Variants in DVL1 observed in about 807,000 individuals in gnomAD.
DVL1 encodes segment polarity protein dishevelled homolog DVL-1.
DVL1 carries 49 observed loss-of-function variants against 65.0 expected under a neutral mutation model. The ratio of observed to expected loss-of-function variants is 0.75; its 90% CI spans 0.60 to 0.96. The LOEUF (loss-of-function observed/expected upper bound fraction) is 0.96. DVL1 is among the 40% of genes least tolerant of loss of function. The pLI is 0.00. For synonymous variants in DVL1, 608 were observed against 433.9 expected (o/e 1.40, Z -4.99); for missense variants, 1,197 against 1,045.4 (o/e 1.15, Z -2.00).
In DVL1 at chr1:1,339,832, G is replaced by A. The variant is rs778221230; in HGVS notation, c.910-20C>T. 1.3e-6 allele frequency: 2 copies of A among 1,599,444 alleles called. No homozygotes were observed. Among genetic ancestry groups the A allele is most frequent in the African/African-American group, 1.4e-5 (1 of 73,016 alleles). On this transcript the variant is annotated intron_variant, in intron 8 of 14. Transcript: ENST00000378888. ...ATTCACCTGCAGGGGTGGGGATTAG[G>A]GTGGTGCAGGCAGGATGTGCAGCTC...
At chr1:1,341,123 G>A (rs1343991972) in intron 5 of DVL1, among the ~76,000 whole-genome samples, 2 of 132,496 alleles carry the variant, frequency 1.5e-5, no homozygotes, top group Non-Finnish European at 3.1e-5. Context: ...ACGCACGCCT[G>A]CACATGCACA....
At chr1:1,342,516 C>T in intron 2 of DVL1, 32 bp from the exon 3 acceptor site, 1 of 1,601,598 alleles carries the variant, frequency 6.2e-7, no homozygotes, top group Non-Finnish European at 8.5e-7. Flanking sequence ...TCAGGGGAGC[C>T]CACCCGCCTT....
Position 1,340,128 on chromosome 1 carries a change from A to G in DVL1, c.819T>C (p.Arg273=). ...GISIVGQSND[R]GDGGIYIGSI... Reference sequence around the variant, plus strand: ...AGCCAATGTAGATGCCGCCGTCTCCACGGTCGTTGCTCTGCCCCACGATGC... The same window carrying G: ...AGCCAATGTAGATGCCGCCGTCTCCGCGGTCGTTGCTCTGCCCCACGATGC... Residue 273 remains arginine, a synonymous_variant, in exon 8 of 15, where the codon CGT becomes CGC. Transcript: ENST00000378888. 1 of 1,613,636 alleles carries G rather than the reference A, an allele frequency of 6.2e-7. No individual in the cohort carries two copies. Among genetic ancestry groups the G allele is most frequent in the Non-Finnish European group, 8.5e-7 (1 of 1,179,986 alleles).
intron 11 of DVL1, 111 bp downstream of exon 11, chr1:1,339,174 AAC>A (rs1210565443): frequency 1.9e-5 from 26 of 1,402,262 alleles, no homozygotes; most frequent in Non-Finnish European, 2.4e-5. Flanking sequence ...GGGGACAGGC[AAC>A]ACACACGTGT....
rs1240585702 is a variant in DVL1 at position 1,348,902 on chromosome 1, T to A, written c.164A>T (p.Asp55Val). The A allele has an allele frequency of 6.4e-7, 1 of 1,556,914 alleles. No homozygotes were observed. Among genetic ancestry groups the A allele is most frequent in the African/African-American group, 1.4e-5 (1 of 70,512 alleles). The part of the protein sequence containing the change: ...YKFFFKSMDQ[D>V]FGVVKEEIFD... ...GGCCTCGCGGCCGACTGACCCGAAG[T>A]CCTGGTCCATGGACTTAAAGAAGAA... The change falls in exon 1 of 15, where the codon GAC becomes GTC. Residue 55 changes from aspartate to valine, a missense_variant. Coordinates refer to ENST00000378888, the MANE Select transcript of DVL1 (RefSeq NM_001330311.2).
At chr1:1,348,412 G>A (rs1307914875) in intron 1 of DVL1, among the ~76,000 whole-genome samples, 2 of 152,092 alleles carry the variant, frequency 1.3e-5, no homozygotes, top group Admixed American at 1.3e-4. Flanking sequence ...CTGTCACAAG[G>A]ACCCTGCAGA....
chr1:1,335,860 G>A lies in DVL1; in HGVS notation c.*282C>T, dbSNP rs769819826. ...TGGGGGTCAGCCGAGAGCCCGAGGG[G>A]GTCTTCCTCATCCCAGGAGGGATCC... On this transcript the variant is annotated 3_prime_UTR_variant, in exon 15 of 15. Coordinates refer to ENST00000378888, the MANE Select transcript of DVL1 (RefSeq NM_001330311.2). The A allele has an allele frequency of 1.6e-4, 84 of 524,898 alleles. No homozygotes were observed. The highest frequency in any genetic ancestry group is 2.3e-4 in the Non-Finnish European group (67 of 295,906). 32.5% of individuals were successfully genotyped at this position (524,898 alleles called of 1,614,324 possible).
Position 1,340,068 on chromosome 1 carries a change from G to T in DVL1, c.879C>A (p.Gly293=), listed in dbSNP as rs372568186. 5.0e-5 allele frequency: 80 copies of T among 1,612,872 alleles called. 1 individual carries two copies. Among genetic ancestry groups the T allele is most frequent in the Non-Finnish European group, 6.5e-5 (77 of 1,179,896 alleles). ...IMKGGAVAAD[G]RIEPGDMLLQ... Reference sequence around the variant, plus strand: ...GCAACATGTCGCCGGGCTCGATGCGGCCGTCAGCGGCCACAGCCCCGCCCT... The same window carrying T: ...GCAACATGTCGCCGGGCTCGATGCGTCCGTCAGCGGCCACAGCCCCGCCCT... The change falls in exon 8 of 15, where the codon GGC becomes GGA. Residue 293 remains glycine, a synonymous_variant. Coordinates refer to ENST00000378888, the MANE Select transcript of DVL1 (RefSeq NM_001330311.2).
chr1:1,340,752 ATGCACACC>A (rs1035617656), intron 5 of DVL1, among the ~76,000 whole-genome samples: 7 of 151,538 alleles, frequency 4.6e-5, no homozygotes, highest in African/African-American at 1.2e-4. Context: ...ACCTGCACAC[ATGCACACC>A]TGCACACACA....
intron 14 of DVL1, 186 bp downstream of exon 14, chr1:1,337,791 C>G: frequency 1.4e-6 from 1 of 712,430 alleles, no homozygotes; most frequent in Middle Eastern, 2.3e-4. Context: ...CCACCCAGGG[C>G]CCAAGTACAC....
intron 5 of DVL1, among the ~76,000 whole-genome samples, chr1:1,341,099 GCA>G (rs1239183206): frequency 5.2e-5 from 7 of 134,818 alleles, no homozygotes; most frequent in Non-Finnish European, 9.3e-5. Context: ...AGGCACACCT[GCA>G]CACACCTGCA....
At chr1:1,345,031 C>G (rs1643896575) in intron 1 of DVL1, among the ~76,000 whole-genome samples, 1 of 150,936 alleles carries the variant, frequency 6.6e-6, no homozygotes, top group Non-Finnish European at 1.5e-5. Flanking sequence ...CACCCTCTGA[C>G]TCACTGGAGG....
At chr1:1,338,209 C>A (rs760441838) in intron 13 of DVL1, 26 bp from the exon 14 acceptor site, 1 of 1,594,106 alleles carries the variant, frequency 6.3e-7, no homozygotes, top group Admixed American at 1.7e-5. Context: ...AGGTGAGGGC[C>A]GCGGAGGGGC....
intron 14 of DVL1, chr1:1,336,902 C>T: frequency 1.3e-6 from 1 of 787,310 alleles, no homozygotes; most frequent in Non-Finnish European, 1.6e-6. Flanking sequence ...GCCCAGGACC[C>T]TGGCCGACGG....
chr1:1,340,319 A>G lies in DVL1; in HGVS notation c.700-3T>C, dbSNP rs780423004. 1 of 1,613,940 alleles carries G rather than the reference A, an allele frequency of 6.2e-7. No homozygotes were observed. The highest frequency in any genetic ancestry group is 1.7e-5 in the Admixed American group (1 of 60,020). On this transcript the variant is annotated splice_region_variant and splice_polypyrimidine_tract_variant and intron_variant, in intron 6 of 14. Coordinates refer to ENST00000378888, the MANE Select transcript of DVL1 (RefSeq NM_001330311.2). ...GTTATGCTGCTGAAGGAGGAGGCCT[A>G]TGGAGGAGAGGGGGCGTGTGTAAAA...
chr1:1,342,328 G>T, intron 3 of DVL1, 35 bp downstream of exon 3: 1 of 1,538,380 alleles, frequency 6.5e-7, no homozygotes, highest in African/African-American at 1.4e-5. Flanking sequence ...TGACAGGCTT[G>T]GGGTAGCAGG....
rs959598899 is a variant in DVL1, at chr1:1,349,384, G to T, written c.-319C>A. ...GCGCCCCTCGGGCCGCGCCGTTAAA[G>T]GGACCGCCCGGCCCGGGGTCCTGAG... On this transcript the variant is annotated 5_prime_UTR_variant, in exon 1 of 15. Transcript: ENST00000378888. The surrounding 1 kb of genome is among the most constrained non-coding windows in gnomAD (Gnocchi z 4.1). 6.9e-6 allele frequency: 1 copy of T among 145,476 alleles called. No individual in the cohort carries two copies. The highest frequency in any genetic ancestry group is 1.5e-5 in the Non-Finnish European group (1 of 65,492). The allele number at this position is 145,476 out of a possible 1,614,324, so 9.0% of individuals were successfully genotyped here.
At chr1:1,346,553 T>C (rs1643916555) in intron 1 of DVL1, among the ~76,000 whole-genome samples, 1 of 152,198 alleles carries the variant, frequency 6.6e-6, no homozygotes, top group African/African-American at 2.4e-5. Context: ...TCAGAATAGC[T>C]GTGACCAGGG....
At position 1,340,517 on chromosome 1, in the gene DVL1, G is replaced by A. The variant is rs1176972192; in HGVS notation, c.606-14C>T. The A allele has an allele frequency of 4.4e-6, 7 of 1,589,820 alleles. No homozygotes were observed. Among genetic ancestry groups the A allele is most frequent in the African/African-American group, 2.7e-5 (2 of 74,664 alleles). Reference sequence around the variant, plus strand: ...GAGCTGCTGAGCCTGGGAACAGACTGTCAGAGCTCAGAGGAGCTGGAGACA... The same window carrying A: ...GAGCTGCTGAGCCTGGGAACAGACTATCAGAGCTCAGAGGAGCTGGAGACA... On this transcript the variant is annotated splice_polypyrimidine_tract_variant and intron_variant, in intron 5 of 14. Transcript: ENST00000378888.
Sources: allele counts gnomAD v4.1 joint callset (sites outside exome capture counted in the v4.1 genomes callset), GRCh38; gene constraint gnomAD v4.1.1; non-coding constraint Gnocchi (gnomAD v3.1); transcripts MANE v1.5; gene names NCBI Gene and HGNC (gene_info 2026-07-23, HGNC 2026-07-21).